The following PARP1 variants were observed in gnomAD, a reference collection of about 807,000 sequenced individuals.
PARP1 encodes poly(ADP-ribose) polymerase 1.
Under a neutral mutation model 118.7 loss-of-function variants are expected in PARP1, and 44 were observed. The ratio of observed to expected loss-of-function variants is 0.37; its 90% confidence interval spans 0.29 to 0.48. PARP1 has a LOEUF of 0.48. PARP1 is among the 20% of genes least tolerant of loss of function. The pLI, the probability that PARP1 is intolerant of heterozygous loss-of-function variation, is 0.99. For missense variants in PARP1, 1,100 were observed against 1,272.4 expected, an observed-to-expected ratio of 0.86 and a Z score of 2.06; for synonymous variants, 492 against 483.2, an observed-to-expected ratio of 1.02 and a Z score of -0.24.
chr1:226,398,679 T>C (rs939817186), intron 2 of PARP1, among the ~76,000 whole-genome samples: 6 of 152,200 alleles, frequency 3.9e-5, no homozygotes, highest in African/African-American at 9.7e-5. Flanking sequence ...TATATATCTA[T>C]TGGAATGGCC....
chr1:226,380,021 C>A lies in PARP1; in HGVS notation c.1444G>T (p.Gly482Trp), dbSNP rs879911445. The A allele has an allele frequency of 4.3e-6, 7 of 1,614,218 alleles. No individual in the cohort carries two copies. The highest frequency in any genetic ancestry group is 5.9e-6 in the Non-Finnish European group (7 of 1,180,044). Residue 482 changes from glycine (G) to tryptophan (W), a missense_variant, in exon 10 of 23, where the codon GGG (glycine) becomes TGG (tryptophan). Transcript: ENST00000366794. ...LFLAHILSPW[G>W]AEVKAEPVEV... ...ACAGGCTCTGCCTTCACCTCTGCCC[C>A]CCAAGGGGACAAGATGTGCGCTAAG... is the stretch of plus-strand genomic sequence containing the variant.
At chr1:226,377,523 G>C (rs1455630516) in intron 12 of PARP1, among the ~76,000 whole-genome samples, 22 of 152,166 alleles carry the variant, frequency 1.4e-4, no homozygotes, top group Admixed American at 1.4e-3. Flanking sequence ...AAATGCCAAA[G>C]AATAGTTTAA....
In PARP1 at chr1:226,373,117, C is replaced by T. The variant is rs983370306; in HGVS notation, c.2070+1109G>A. Among the ~76,000 whole-genome samples, 8 of 152,210 alleles carry T rather than the reference C, an allele frequency of 5.3e-5. No homozygotes were observed. In the South Asian group the frequency reaches 6.2e-4, roughly 12 times the overall value. On this transcript the variant is annotated intron_variant, in intron 14 of 22. Transcript: ENST00000366794. ...TACGGGGTTGGCCCTGATGTCCATG[C>T]GGCTTAGGCTGCCAGTGGTTTATAC...
intron 2 of PARP1, among the ~76,000 whole-genome samples, chr1:226,400,324 C>CAAA (rs1327991626): frequency 2.0e-5 from 3 of 151,246 alleles, no homozygotes; most frequent in African/African-American, 7.4e-5. Context: ...ACAAAAACAA[C>CAAA]AACAAAAAAA....
At position 226,407,907 on chromosome 1, in the gene PARP1, A is replaced by T; in HGVS notation, c.23T>A (p.Leu8His). 6.2e-7 allele frequency: 1 copy of T among 1,612,318 alleles called. No individual in the cohort carries two copies. The highest frequency in any genetic ancestry group is 8.5e-7 in the Non-Finnish European group (1 of 1,179,106). MAESSDK[L>H]YRVEYAKSGR... ...GCTCTTGGCGTACTCGACTCGATAG[A>T]GCTTATCCGAAGACTCCGCCATCCT... The change falls in exon 1 of 23, where the codon CTC becomes CAC. Residue 8 changes from leucine (L) to histidine (H), a missense_variant. Transcript: ENST00000366794.
At chr1:226,392,347 C>T in intron 2 of PARP1, 33 bp from the exon 3 acceptor site, 1 of 1,490,006 alleles carries the variant, frequency 6.7e-7, no homozygotes, top group South Asian at 1.1e-5. Context: ...ATGCTCATCT[C>T]AACAGCCCCA....
At position 226,407,897 on chromosome 1, in the gene PARP1, G is replaced by T; in HGVS notation, c.33C>A (p.Val11=). ...AGGCGCGCCCGCTCTTGGCGTACTC[G>T]ACTCGATAGAGCTTATCCGAAGACT... The part of the protein sequence containing the change: MAESSDKLYR[V]EYAKSGRASC... Residue 11 remains valine, a synonymous_variant, in exon 1 of 23, where the codon GTC becomes GTA. Transcript: ENST00000366794. The T allele has an allele frequency of 6.2e-7, 1 of 1,612,302 alleles. No individual in the cohort carries two copies. The highest frequency in any genetic ancestry group is 8.5e-7 in the Non-Finnish European group (1 of 1,179,094).
At position 226,390,555 on chromosome 1, in the gene PARP1, A is replaced by G; in HGVS notation, c.472T>C (p.Tyr158His). 1.2e-6 allele frequency: 2 copies of G among 1,614,200 alleles called. No homozygotes were observed. The highest frequency in any genetic ancestry group is 1.7e-6 in the Non-Finnish European group (2 of 1,180,028). The change falls in exon 4 of 23, where the codon TAC (tyrosine) becomes CAC (histidine). Residue 158 changes from tyrosine to histidine, a missense_variant. Tyr to His is a moderately conservative substitution (Grantham distance 83, BLOSUM62 2). Transcript: ENST00000366794. ...KPQLGMIDRW[Y>H]HPGCFVKNRE... Reference sequence around the variant, plus strand: ...TTCTTGACAAAGCAGCCTGGATGGTACCAGCGGTCAATCATGCCTAGCTGT... The same window carrying G: ...TTCTTGACAAAGCAGCCTGGATGGTGCCAGCGGTCAATCATGCCTAGCTGT...
At chr1:226,379,391 C>T (rs746149583) in intron 11 of PARP1, 117 bp from the exon 12 acceptor site, 37 of 1,375,732 alleles carry the variant, frequency 2.7e-5, no homozygotes, top group East Asian at 1.8e-4. Context: ...CCACCACCCT[C>T]GGGAGGCTCC....
intron 19 of PARP1, chr1:226,364,336 C>CA (rs1664207762): frequency 9.4e-6 from 4 of 426,324 alleles, no homozygotes; most frequent in South Asian, 8.2e-5. Context: ...ATGGGGAACA[C>CA]AGTCTCATGG....
At chr1:226,401,950 A>G in intron 2 of PARP1, 1 of 1,436,274 alleles carries the variant, frequency 7.0e-7, no homozygotes, top group Non-Finnish European at 9.1e-7. Context: ...TACTTTTGCC[A>G]TGAACAAAAA....
chr1:226,389,260 G>T (rs1664779290), intron 4 of PARP1, among the ~76,000 whole-genome samples: 2 of 152,112 alleles, frequency 1.3e-5, no homozygotes, highest in African/African-American at 4.8e-5. Flanking sequence ...GGGCTGTACT[G>T]CCATATAAAG....
At chr1:226,402,484 G>T in intron 1 of PARP1, 105 bp from the exon 2 acceptor site, 1 of 1,074,744 alleles carries the variant, frequency 9.3e-7, no homozygotes, top group Non-Finnish European at 1.4e-6. Flanking sequence ...CCCAGCAGTG[G>T]GATAGCACAT....
chr1:226,382,900 C>T, intron 8 of PARP1, 136 bp downstream of exon 8: 1 of 960,060 alleles, frequency 1.0e-6, no homozygotes, highest in South Asian at 1.3e-5. Context: ...CCCTGCAGGG[C>T]AAGGCTTCCC....
At chr1:226,377,336 G>A in intron 12 of PARP1, 33 bp from the exon 13 acceptor site, 1 of 1,549,784 alleles carries the variant, frequency 6.5e-7, no homozygotes, top group Non-Finnish European at 8.9e-7. Flanking sequence ...AGATACACAT[G>A]TGTGGGTCAG....
intron 17 of PARP1, chr1:226,366,287 T>A: frequency 2.0e-6 from 1 of 499,136 alleles, no homozygotes; most frequent in Non-Finnish European, 3.7e-6. Flanking sequence ...TCAGGGTTCC[T>A]TTTTGTCTTA....
At chr1:226,385,093 C>T (rs3219058) in intron 7 of PARP1, among the ~76,000 whole-genome samples, 34,279 of 152,034 alleles carry the variant, frequency 0.23, 4,646 homozygotes, top group African/African-American at 0.37. Flanking sequence ...CTAGGAGATA[C>T]GTGAACCCTG....
chr1:226,379,772 G>T, intron 10 of PARP1, 131 bp from the exon 11 acceptor site: 1 of 1,387,470 alleles, frequency 7.2e-7, no homozygotes, highest in Non-Finnish European at 1.0e-6. Flanking sequence ...CACTACTCCC[G>T]CCACCCCAAA....
At chr1:226,367,267 AACAAGGTGC>A in intron 17 of PARP1, 1 of 595,902 alleles carries the variant, frequency 1.7e-6, no homozygotes. Context: ...CTGCCTTGCA[AACAAGGTGC>A]ATTATCTACA....
Sources: gnomAD v4.1 joint callset for allele counts (sites outside exome capture counted in the v4.1 genomes callset) on GRCh38, gnomAD v4.1.1 for gene constraint, MANE v1.5 for transcripts, NCBI Gene and HGNC (gene_info 2026-07-23, HGNC 2026-07-21) for gene names.